NRDC: variants seen among roughly 807,000 people sequenced by gnomAD.
NRDC encodes nardilysin.
NRDC carries 54 observed loss-of-function variants against 147.1 expected under a neutral mutation model. The ratio of observed to expected loss-of-function variants is 0.37; its 90% CI spans 0.29 to 0.46. The LOEUF is 0.46. Among genes scored for constraint, NRDC ranks in the 20% least tolerant of loss-of-function variants. NRDC has a pLI of 1.00. For synonymous variants in NRDC, 440 were observed against 482.1 expected (o/e 0.91, Z 1.14); for missense variants, 1,082 against 1,370.6 (o/e 0.79, Z 3.33).
intron 14 of NRDC, among the ~76,000 whole-genome samples, chr1:51,813,789 T>A (rs939902200): frequency 1.3e-5 from 2 of 152,214 alleles, no homozygotes; most frequent in Non-Finnish European, 2.9e-5. Flanking sequence ...ACTATGTAGA[T>A]AAATGATTAC....
chr1:51,798,015 C>T, intron 22 of NRDC: 2 of 459,130 alleles, frequency 4.4e-6, no homozygotes, highest in Non-Finnish European at 7.8e-6. Flanking sequence ...AGTAATGCTT[C>T]TGCCTTGGCC....
rs1680135188 is a variant in NRDC, at chr1:51,819,890, T to C, written c.1218-17A>G. On this transcript the variant is annotated splice_polypyrimidine_tract_variant and intron_variant, in intron 8 of 30. Transcript: ENST00000352171. The stretch of plus-strand genomic sequence containing the variant: ...GGTAACCCACTGAAAATAAAACAAA[T>C]ACATACAAATTTAACTGGCAAAAGC... 1.3e-6 allele frequency: 2 copies of C among 1,590,294 alleles called. No homozygotes were observed. Among genetic ancestry groups the C allele is most frequent in the Admixed American group, 1.7e-5 (1 of 58,860 alleles).
At chr1:51,829,230 A>T (rs962483509) in intron 4 of NRDC, among the ~76,000 whole-genome samples, 2 of 151,984 alleles carry the variant, frequency 1.3e-5, no homozygotes, top group East Asian at 3.9e-4. Context: ...TGCCCTGCTA[A>T]TTTTTTTCCC....
chr1:51,789,421 C>T lies in NRDC; in HGVS notation c.3271G>A (p.Gly1091Arg). The part of the protein sequence containing the change: ...KMLSVHVVGY[G>R]KYELEEDGTP... ...CCATCCTCTTCCAGTTCATACTTCC[C>T]ATATCCAACAACCTGAAAGAGGACA... The change falls in exon 31 of 31, where the codon GGG becomes AGG. Residue 1091 changes from glycine to arginine, a missense_variant. By Grantham distance (125) the Gly-to-Arg change is moderately radical. This residue lies in a region of NRDC where 187 missense variants were observed against 193.6 expected (regional missense o/e 0.97). Transcript: ENST00000352171. 1 of 1,614,052 alleles carries T rather than the reference C, an allele frequency of 6.2e-7. No individual in the cohort carries two copies. Among genetic ancestry groups the T allele is most frequent in the Non-Finnish European group, 8.5e-7 (1 of 1,179,956 alleles).
chr1:51,844,414 A>T (rs1253436954), intron 1 of NRDC, among the ~76,000 whole-genome samples: 1 of 152,046 alleles, frequency 6.6e-6, no homozygotes, highest in African/African-American at 2.4e-5. Flanking sequence ...GGTACACCAG[A>T]TATGTGTGCA....
intron 1 of NRDC, among the ~76,000 whole-genome samples, chr1:51,860,825 G>A (rs1459716868): frequency 6.6e-6 from 1 of 151,988 alleles, no homozygotes; most frequent in Non-Finnish European, 1.5e-5. Context: ...AGATAGTGTG[G>A]GACACTATCA....
intron 14 of NRDC, among the ~76,000 whole-genome samples, 192 bp downstream of exon 14, chr1:51,813,843 T>G (rs774591029): frequency 1.4e-4 from 21 of 152,176 alleles, no homozygotes; most frequent in Non-Finnish European, 2.6e-4. Flanking sequence ...TCTCACTGCC[T>G]TATCTTACTC....
intron 8 of NRDC, among the ~76,000 whole-genome samples, chr1:51,820,175 C>T (rs1680150173): frequency 6.6e-6 from 1 of 152,186 alleles, no homozygotes; most frequent in South Asian, 2.1e-4. Flanking sequence ...TTTCAGTTCT[C>T]CTCCTAGACA....
chr1:51,806,948 A>G, intron 17 of NRDC, 35 bp from the exon 18 acceptor site: 5 of 1,602,180 alleles, frequency 3.1e-6, no homozygotes, highest in Non-Finnish European at 4.3e-6. Flanking sequence ...TCACTCAAGT[A>G]TTTCAGCAGG....
At chr1:51,871,704 A>G (rs1485914909) in intron 1 of NRDC, among the ~76,000 whole-genome samples, 2 of 152,008 alleles carry the variant, frequency 1.3e-5, no homozygotes, top group Admixed American at 1.3e-4. Flanking sequence ...CACAAATGAC[A>G]AAACAAAAAG....
chr1:51,839,160 C>CTT (rs5774110), intron 2 of NRDC, among the ~76,000 whole-genome samples: 2,826 of 133,676 alleles, frequency 0.021, 80 homozygotes, highest in African/African-American at 0.052. Context: ...TTTTCTTTTT[C>CTT]TTTTTTTTTT....
rs756518290 is a variant in NRDC at position 51,818,066 on chromosome 1, C to T, written c.1361G>A (p.Arg454Lys). The change falls in exon 10 of 31, where the codon AGG becomes AAG. Residue 454 changes from arginine to lysine, a missense_variant and splice_region_variant. Physicochemically the swap from Arg to Lys is conservative, Grantham distance 26. This residue lies in a region of NRDC where 635 missense variants were observed against 923.8 expected (regional missense o/e 0.69). Coordinates refer to ENST00000352171, the MANE Select transcript of NRDC (RefSeq NM_001101662.2). ...WALPPQQQHY[R>K]VKPLHYISWL... is the part of the protein sequence containing the mutation. ...AGTAAATTTTCCCTTAAACTCTTAC[C>T]TGTAATGTTGCTGTTGAGGAGGAAG... The T allele has an allele frequency of 6.2e-7, 1 of 1,604,770 alleles. No individual in the cohort carries two copies. The highest frequency in any genetic ancestry group is 8.5e-7 in the Non-Finnish European group (1 of 1,176,562).
intron 17 of NRDC, among the ~76,000 whole-genome samples, chr1:51,808,408 G>C (rs1679564247): frequency 6.6e-6 from 1 of 152,136 alleles, no homozygotes; most frequent in Non-Finnish European, 1.5e-5. Flanking sequence ...TTTGTGTCTA[G>C]CTTCTTTCAC....
At chr1:51,847,700 G>A (rs1427218815) in intron 1 of NRDC, among the ~76,000 whole-genome samples, 2 of 152,196 alleles carry the variant, frequency 1.3e-5, no homozygotes, top group Non-Finnish European at 2.9e-5. Context: ...TGGAACTCTA[G>A]CTGGCTCACA....
Position 51,800,557 on chromosome 1 carries a change from T to G in NRDC, c.2440A>C (p.Lys814Gln), listed in dbSNP as rs745623216. ...TAAGCTCATCTCATTTATACCCACT[T>G]GGCCAAAGTCTCGGGCTTGATGAGG... ...NILIKPETLA[K>Q]DVRLLILEYA... Residue 814 changes from lysine to glutamine, a missense_variant and splice_region_variant, in exon 21 of 31, where the codon AAA (lysine) becomes CAA (glutamine). Transcript: ENST00000352171. 6 of 1,613,944 alleles carry G rather than the reference T, an allele frequency of 3.7e-6. No individual in the cohort carries two copies. The South Asian group carries it at 6.6e-5, about 18-fold the overall frequency.
At chr1:51,822,997 G>A (rs1402943206) in intron 7 of NRDC, among the ~76,000 whole-genome samples, 1 of 152,122 alleles carries the variant, frequency 6.6e-6, no homozygotes, top group African/African-American at 2.4e-5. Context: ...ATGTTAAAAG[G>A]AATAATTTAG....
intron 26 of NRDC, 47 bp from the exon 27 acceptor site, chr1:51,791,708 G>A: frequency 6.8e-7 from 1 of 1,477,392 alleles, no homozygotes; most frequent in Non-Finnish European, 9.5e-7. Flanking sequence ...GATCATCTGG[G>A]CCCTGGCCTT....
intron 9 of NRDC, among the ~76,000 whole-genome samples, chr1:51,818,894 CATT>C (rs1360487138): frequency 6.6e-6 from 1 of 152,178 alleles, no homozygotes; most frequent in Non-Finnish European, 1.5e-5. Flanking sequence ...TCACACAACT[CATT>C]ATGTAGTTAT....
intron 1 of NRDC, among the ~76,000 whole-genome samples, chr1:51,852,741 C>T (rs1029461480): frequency 1.3e-5 from 2 of 151,712 alleles, no homozygotes; most frequent in African/African-American, 4.8e-5. Context: ...AATATAATTG[C>T]CTTTTTGTTA....
Sources: allele counts gnomAD v4.1 joint callset (sites outside exome capture counted in the v4.1 genomes callset), GRCh38; gene constraint gnomAD v4.1.1; regional missense constraint gnomAD v4.1.1; transcripts MANE v1.5; gene names NCBI Gene and HGNC (gene_info 2026-07-23, HGNC 2026-07-21).